SPRED1: variants seen among roughly 807,000 people sequenced by gnomAD.
SPRED1 encodes sprouty related EVH1 domain containing 1.
In SPRED1, 18 loss-of-function variants were observed where a neutral mutation model predicts 52.3. The ratio of observed to expected loss-of-function variants is 0.34; its 90% CI spans 0.24 to 0.51. The LOEUF is 0.51. Among genes scored for constraint, SPRED1 ranks in the 20% least tolerant of loss-of-function variants. The pLI is 0.97. For synonymous variants in SPRED1, 155 were observed against 179.7 expected, an observed-to-expected ratio of 0.86 and a Z score of 1.10; for missense variants, 485 against 551.0, an observed-to-expected ratio of 0.88 and a Z score of 1.20.
intron 6 of SPRED1, 59 bp downstream of exon 6, chr15:38,349,582 G>T (rs530400140): frequency 8.5e-6 from 2 of 234,674 alleles, no homozygotes; most frequent in Non-Finnish European, 1.6e-5. Context: ...GATAGGTAAA[G>T]TTTTCCAGTC....
At chr15:38,269,582 T>C (rs1894387288) in intron 1 of SPRED1, among the ~76,000 whole-genome samples, 1 of 152,056 alleles carries the variant, frequency 6.6e-6, no homozygotes, top group Admixed American at 6.5e-5. Context: ...TCTCTCACTG[T>C]TTTTTCCAAA....
At chr15:38,305,299 T>G (rs1895229804) in intron 2 of SPRED1, among the ~76,000 whole-genome samples, 2 of 149,750 alleles carry the variant, frequency 1.3e-5, no homozygotes, top group Non-Finnish European at 3.0e-5. Context: ...GCCATTGCAC[T>G]CCAGCTTGGG....
chr15:38,258,966 TA>T (rs1462759421), intron 1 of SPRED1, among the ~76,000 whole-genome samples: 1 of 152,220 alleles, frequency 6.6e-6, no homozygotes, highest in Non-Finnish European at 1.5e-5. Context: ...TGCTGATTTA[TA>T]AATTAAAGAA....
At chr15:38,333,521 T>C (rs1484348265) in intron 4 of SPRED1, among the ~76,000 whole-genome samples, 1 of 152,138 alleles carries the variant, frequency 6.6e-6, no homozygotes, top group Non-Finnish European at 1.5e-5. Flanking sequence ...GAGTTTCTTA[T>C]TCACATAAGG....
intron 1 of SPRED1, among the ~76,000 whole-genome samples, chr15:38,271,803 T>C (rs904604269): frequency 6.6e-5 from 10 of 152,216 alleles, no homozygotes; most frequent in African/African-American, 2.4e-4. Context: ...GCAGGTTTGT[T>C]ACAAAGGCAT....
At chr15:38,263,380 G>A (rs1894241489) in intron 1 of SPRED1, among the ~76,000 whole-genome samples, 2 of 152,160 alleles carry the variant, frequency 1.3e-5, no homozygotes, top group Admixed American at 6.5e-5. Flanking sequence ...TAGAGTTATA[G>A]TGACATCTTC....
chr15:38,306,620 T>A (rs1042991141), intron 2 of SPRED1, among the ~76,000 whole-genome samples: 1 of 152,202 alleles, frequency 6.6e-6, no homozygotes, highest in Non-Finnish European at 1.5e-5. Context: ...AACAGTTAAT[T>A]ATTTAATATT....
chr15:38,253,330 C>A, intron 1 of SPRED1, 113 bp downstream of exon 1: 1 of 983,694 alleles, frequency 1.0e-6, no homozygotes, highest in South Asian at 1.4e-5. Context: ...CTGGAGAGTT[C>A]GGTGCATCTT....
intron 2 of SPRED1, among the ~76,000 whole-genome samples, chr15:38,309,277 A>G (rs1195972246): frequency 5.9e-5 from 9 of 152,086 alleles, no homozygotes; most frequent in Non-Finnish European, 1.2e-4. Flanking sequence ...GGTAGCTGGG[A>G]CCACAGGCAT....
chr15:38,283,467 T>G, intron 1 of SPRED1: 3 of 973,344 alleles, frequency 3.1e-6, no homozygotes, highest in Non-Finnish European at 3.7e-6. Flanking sequence ...GTGAAATATA[T>G]TACAGATTTT....
intron 5 of SPRED1, among the ~76,000 whole-genome samples, chr15:38,345,086 G>A (rs1896104570): frequency 6.6e-6 from 1 of 152,166 alleles, no homozygotes; most frequent in Non-Finnish European, 1.5e-5. Flanking sequence ...ATTTGTATGT[G>A]ACCAAGAAGG....
intron 5 of SPRED1, among the ~76,000 whole-genome samples, chr15:38,343,252 A>G (rs1896064061): frequency 6.6e-6 from 1 of 152,148 alleles, no homozygotes; most frequent in Non-Finnish European, 1.5e-5. Context: ...GATGTTTGCT[A>G]GCCACTTCTC....
rs1183736831 is a variant in SPRED1, at chr15:38,354,748, A to G, written c.*3084A>G. On this transcript the variant is annotated 3_prime_UTR_variant, in exon 7 of 7. Coordinates refer to ENST00000299084, the MANE Select transcript of SPRED1 (RefSeq NM_152594.3). ...ATATCCTGTTTTAAAATATTTGTTG[A>G]TATTTGGGACTGGCAATCAAACTTA... 1.3e-5 allele frequency: 2 copies of G among 152,174 alleles called. No homozygotes were observed. Among genetic ancestry groups the G allele is most frequent in the African/African-American group, 2.4e-5 (1 of 41,434 alleles). 9.4% of individuals were successfully genotyped at this position (152,174 alleles called of 1,614,324 possible). A position where few individuals can be genotyped will look rare whatever the true frequency, so the allele number is the denominator to read the frequency against.
At chr15:38,284,322 A>C (rs1261319630) in intron 1 of SPRED1, among the ~76,000 whole-genome samples, 1 of 152,138 alleles carries the variant, frequency 6.6e-6, no homozygotes, top group East Asian at 1.9e-4. Context: ...TCATACGCTC[A>C]TGAGTGCATG....
At chr15:38,303,436 A>G (rs1267402196) in intron 2 of SPRED1, among the ~76,000 whole-genome samples, 1 of 152,186 alleles carries the variant, frequency 6.6e-6, no homozygotes, top group Non-Finnish European at 1.5e-5. Flanking sequence ...CTTCTGTCTT[A>G]CAAACATTTT....
intron 2 of SPRED1, among the ~76,000 whole-genome samples, chr15:38,307,531 A>G (rs989170653): frequency 6.6e-6 from 1 of 152,106 alleles, no homozygotes; most frequent in Non-Finnish European, 1.5e-5. Context: ...TTATGACCTC[A>G]TTTAACCTTT....
intron 3 of SPRED1, among the ~76,000 whole-genome samples, chr15:38,322,673 G>A (rs931068946): frequency 5.9e-5 from 9 of 151,826 alleles, no homozygotes; most frequent in Non-Finnish European, 1.3e-4. Flanking sequence ...TAATTCAAAT[G>A]TTTTAAAATA....
rs897866151 is a variant in SPRED1, at chr15:38,357,110, A to C, written c.*5446A>C. On this transcript the variant is annotated 3_prime_UTR_variant, in exon 7 of 7. Coordinates refer to ENST00000299084, the MANE Select transcript of SPRED1 (RefSeq NM_152594.3). ...AGTGTCATGCACATAGTGCTCCTTA[A>C]AGAAAAAGACATCGACATCAATGGT... 4 of 152,210 alleles carry C rather than the reference A, an allele frequency of 2.6e-5. No homozygotes were observed. The highest frequency in any genetic ancestry group is 5.9e-5 in the Non-Finnish European group (4 of 68,012). The allele number at this position is 152,210 out of a possible 1,614,324, so 9.4% of individuals were successfully genotyped here. A position where few individuals can be genotyped will look rare whatever the true frequency, so the allele number is the denominator to read the frequency against.
chr15:38,255,701 A>G (rs1019358322), intron 1 of SPRED1, among the ~76,000 whole-genome samples: 3 of 152,204 alleles, frequency 2.0e-5, no homozygotes, highest in African/African-American at 7.2e-5. Context: ...ATTATGAAGA[A>G]AGATACGTAT....
Sources: allele counts gnomAD v4.1 joint callset (sites outside exome capture counted in the v4.1 genomes callset), GRCh38; gene constraint gnomAD v4.1.1; transcripts MANE v1.5; gene names NCBI Gene and HGNC (gene_info 2026-07-23, HGNC 2026-07-21).